Variants in PRAMEF15 observed in about 807,000 individuals in gnomAD.
The protein encoded by PRAMEF15 is PRAME family member 9/15.
Under a neutral mutation model 35.3 loss-of-function variants are expected in PRAMEF15, and 21 were observed. The observed-to-expected ratio is 0.59, with a 90% CI of 0.42 to 0.86. PRAMEF15 has a LOEUF of 0.86. PRAMEF15 is among the 40% of genes least tolerant of loss of function. PRAMEF15 has a pLI of 0.00. For synonymous variants in PRAMEF15, 122 were observed against 223.3 expected (o/e 0.55, Z 4.05); for missense variants, 360 against 574.1 (o/e 0.63, Z 3.81).
intron 3 of PRAMEF15, 42 bp from the exon 4 acceptor site, chr1:13,321,661 C>T (rs1325785078): frequency 1.2e-6 from 2 of 1,604,854 alleles, no homozygotes; most frequent in Non-Finnish European, 1.7e-6. Context: ...TCCACTCACC[C>T]CTATGATTCC....
chr1:13,316,484 C>A (rs1159909836), intron 1 of PRAMEF15, among the ~76,000 whole-genome samples: 2 of 151,784 alleles, frequency 1.3e-5, no homozygotes, highest in Admixed American at 6.6e-5. Flanking sequence ...AAACCAATCA[C>A]ATCCTCTTCC....
intron 2 of PRAMEF15, among the ~76,000 whole-genome samples, chr1:13,319,146 A>G (rs1640046178): frequency 6.6e-6 from 1 of 151,328 alleles, no homozygotes; most frequent in Non-Finnish European, 1.5e-5. Context: ...GTGAGGTGAC[A>G]TCACACCACT....
intron 1 of PRAMEF15, among the ~76,000 whole-genome samples, chr1:13,316,477 C>G (rs1489433167): frequency 1.3e-5 from 2 of 150,930 alleles, no homozygotes; most frequent in Non-Finnish European, 2.9e-5. Flanking sequence ...TAATTTTAAA[C>G]CAATCACATC....
chr1:13,317,114 G>C (rs1214913920), intron 1 of PRAMEF15, among the ~76,000 whole-genome samples: 1 of 151,570 alleles, frequency 6.6e-6, no homozygotes, highest in East Asian at 2.0e-4. Context: ...CTATTCCCCA[G>C]GCTGGAGTGG....
At chr1:13,319,300 C>G in intron 2 of PRAMEF15, 72 bp from the exon 3 acceptor site, 6 of 1,595,900 alleles carry the variant, frequency 3.8e-6, no homozygotes, top group Non-Finnish European at 5.1e-6. Context: ...GGAGGAGCTG[C>G]TATCCAGGAT....
rs1277405586 is a variant in PRAMEF15 at position 13,318,443 on chromosome 1, G to A, written c.36G>A (p.Leu12=). 147 of 1,613,802 alleles carry A rather than the reference G, an allele frequency of 9.1e-5. No individual in the cohort carries two copies. In the Admixed American group the frequency reaches 1.0e-3, roughly 11 times the overall value. ...KMSIRTPPRL[L]ELAGRSLLRD... ...GCATCCGGACTCCACCCAGACTCCTGGAGCTTGCAGGGCGGAGCCTGCTGA... is the reference window on the plus strand; with the variant it reads ...GCATCCGGACTCCACCCAGACTCCTAGAGCTTGCAGGGCGGAGCCTGCTGA... The change falls in exon 2 of 4, where the codon CTG becomes CTA. Residue 12 remains leucine, a synonymous_variant. Coordinates refer to ENST00000376152, the MANE Select transcript of PRAMEF15 (RefSeq NM_001098376.3).
chr1:13,320,007 C>A (rs1222649356), intron 3 of PRAMEF15, 54 bp downstream of exon 3: 43,842 of 1,547,192 alleles, frequency 0.028, 1,573 homozygotes, highest in East Asian at 0.23. Context: ...CTGTTACAGT[C>A]AACACTAGTG....
Position 13,321,872 on chromosome 1 carries a change from A to G in PRAMEF15, c.1045A>G (p.Lys349Glu). Reference protein sequence around the residue: ...SLVPLQILLEKVAATLEYLDL... With the variant: ...SLVPLQILLEEVAATLEYLDL... The stretch of plus-strand genomic sequence containing the variant: ...TGTGCCTCTCCAAATTCTCCTAGAA[A>G]AAGTTGCAGCCACCCTTGAGTACCT... Residue 349 changes from lysine to glutamate, a missense_variant, in exon 4 of 4, where the codon AAA (lysine) becomes GAA (glutamate). By Grantham distance (56) the Lys-to-Glu change is moderately conservative (BLOSUM62 1). This residue lies in a region of PRAMEF15 where 72 missense variants were observed against 79.9 expected (regional missense o/e 0.90). Coordinates refer to ENST00000376152, the MANE Select transcript of PRAMEF15 (RefSeq NM_001098376.3). 6.2e-7 allele frequency: 1 copy of G among 1,608,744 alleles called. No individual in the cohort carries two copies.
chr1:13,317,487 G>T (rs1216264225), intron 1 of PRAMEF15, among the ~76,000 whole-genome samples: 3 of 151,968 alleles, frequency 2.0e-5, no homozygotes, highest in African/African-American at 4.8e-5. Flanking sequence ...TCAATAATGA[G>T]GCTGGGGTGG....
At chr1:13,320,260 T>C (rs1379811360) in intron 3 of PRAMEF15, among the ~76,000 whole-genome samples, 1 of 152,002 alleles carries the variant, frequency 6.6e-6, no homozygotes, top group Non-Finnish European at 1.5e-5. Flanking sequence ...GTGTCTAAGT[T>C]AAGATGATGA....
intron 3 of PRAMEF15, among the ~76,000 whole-genome samples, chr1:13,320,499 C>T (rs1359514061): frequency 6.6e-6 from 1 of 152,100 alleles, no homozygotes; most frequent in East Asian, 1.9e-4. Context: ...TCTCAGCTCG[C>T]AGCGACTTCT....
chr1:13,319,984 A>C (rs1440290371), intron 3 of PRAMEF15, 31 bp downstream of exon 3: 5 of 1,610,610 alleles, frequency 3.1e-6, no homozygotes, highest in Non-Finnish European at 4.2e-6. Context: ...TTCTCTGCAG[A>C]CCACAGCAGA....
rs1193080933 is a variant in PRAMEF15 at position 13,321,785 on chromosome 1, C to T, written c.958C>T (p.Pro320Ser). The T allele has an allele frequency of 1.2e-6, 2 of 1,608,524 alleles. No homozygotes were observed. The highest frequency in any genetic ancestry group is 1.7e-6 in the Non-Finnish European group (2 of 1,177,696). ...ESDLKHLSQCPSISQLKTLDL... is the reference protein window; with the variant it reads ...ESDLKHLSQCSSISQLKTLDL... Reference sequence around the variant, plus strand: ...AGACTTGAAGCATCTATCCCAGTGCCCGAGTATCAGTCAACTAAAGACCCT... The same window carrying T: ...AGACTTGAAGCATCTATCCCAGTGCTCGAGTATCAGTCAACTAAAGACCCT... The change falls in exon 4 of 4, where the codon CCG becomes TCG. Residue 320 changes from proline to serine, a missense_variant. Coordinates refer to ENST00000376152, the MANE Select transcript of PRAMEF15 (RefSeq NM_001098376.3).
chr1:13,319,099 C>A (rs1338878206), intron 2 of PRAMEF15, among the ~76,000 whole-genome samples: 2 of 150,760 alleles, frequency 1.3e-5, no homozygotes, highest in Non-Finnish European at 2.9e-5. Flanking sequence ...GAGGTTGAGG[C>A]AGGAGAATCA....
At chr1:13,315,804 T>C (rs1333507258) in intron 1 of PRAMEF15, 146 bp downstream of exon 1, 1 of 151,572 alleles carries the variant, frequency 6.6e-6, no homozygotes, top group Non-Finnish European at 1.5e-5. Flanking sequence ...CTTTGAATTT[T>C]TTCCTCTAAA....
chr1:13,318,685 A>G lies in PRAMEF15; in HGVS notation c.278A>G (p.Gln93Arg). 6.2e-7 allele frequency: 1 copy of G among 1,613,672 alleles called. No individual in the cohort carries two copies. Among genetic ancestry groups the G allele is most frequent in the Non-Finnish European group, 8.5e-7 (1 of 1,179,948 alleles). ...VLDGLDALLTQGVRPRRWKLQ... is the reference protein window; with the variant it reads ...VLDGLDALLTRGVRPRRWKLQ... ...GATGGGCTTGATGCACTGCTTACCC[A>G]AGGGGTTCGTCCCAGGTGAGGTGGC... Residue 93 changes from glutamine (Q) to arginine (R), a missense_variant, in exon 2 of 4, where the codon CAA becomes CGA. By Grantham distance (43) the Gln-to-Arg change is conservative. Around this residue, in one of 8 missense-constraint regions of PRAMEF15, gnomAD observed 44 missense variants for 25.9 expected, o/e 1.70. Coordinates refer to ENST00000376152, the MANE Select transcript of PRAMEF15 (RefSeq NM_001098376.3).
chr1:13,320,641 C>T (rs1310097456), intron 3 of PRAMEF15, among the ~76,000 whole-genome samples: 1 of 152,028 alleles, frequency 6.6e-6, no homozygotes, highest in Non-Finnish European at 1.5e-5. Context: ...CCAGGTTATT[C>T]TCCAACTCCT....
At position 13,319,340 on chromosome 1, in the gene PRAMEF15, A is replaced by C. The variant is rs959771815; in HGVS notation, c.294-32A>C. 4 of 1,607,040 alleles carry C rather than the reference A, an allele frequency of 2.5e-6. No individual in the cohort carries two copies. In the African/African-American group the frequency reaches 5.4e-5, roughly 22 times the overall value. ...AGTTTAAGTTCAGAAATGAGTTCTTAAATTCTCAGTCTCACCTCTATTTTG... is the reference window on the plus strand; with the variant it reads ...AGTTTAAGTTCAGAAATGAGTTCTTCAATTCTCAGTCTCACCTCTATTTTG... On this transcript the variant is annotated intron_variant, in intron 2 of 3. Coordinates refer to ENST00000376152, the MANE Select transcript of PRAMEF15 (RefSeq NM_001098376.3).
At chr1:13,317,432 T>C (rs1319689546) in intron 1 of PRAMEF15, among the ~76,000 whole-genome samples, 1 of 151,908 alleles carries the variant, frequency 6.6e-6, no homozygotes, top group Non-Finnish European at 1.5e-5. Context: ...TTGCGAATGA[T>C]GCATAACAGT....
Sources: gnomAD v4.1 joint callset for allele counts (sites outside exome capture counted in the v4.1 genomes callset) on GRCh38, gnomAD v4.1.1 for gene constraint, gnomAD v4.1.1 regional missense constraint, MANE v1.5 for transcripts, NCBI Gene and HGNC (gene_info 2026-07-23, HGNC 2026-07-21) for gene names.